Variants in NAV1 observed in about 807,000 individuals in gnomAD.
NAV1 encodes the protein neuron navigator 1, also known as pore membrane and/or filament interacting like protein 3.
In NAV1, 18 loss-of-function variants were observed where a neutral mutation model predicts 175.2. The observed-to-expected ratio is 0.10, with a 90% CI of 0.07 to 0.15. The LOEUF is 0.15. NAV1 is among the 10% of genes least tolerant of loss of function. The pLI, the probability that NAV1 is intolerant of heterozygous loss-of-function variation, is 1.00. For synonymous variants in NAV1, 897 were observed against 978.7 expected, an observed-to-expected ratio of 0.92 and a Z score of 1.56; for missense variants, 1,731 against 2,436.6, an observed-to-expected ratio of 0.71 and a Z score of 6.10.
intron 3 of NAV1, among the ~76,000 whole-genome samples, chr1:201,732,153 A>T (rs1025118401): frequency 1.3e-5 from 2 of 151,362 alleles, no homozygotes; most frequent in Non-Finnish European, 2.9e-5. Flanking sequence ...TCTGTCACCC[A>T]GGCTGGGGTG....
chr1:201,623,617 G>A lies in NAV1; in HGVS notation c.-101+11G>A, dbSNP rs1668239780. On this transcript the variant is annotated intron_variant, in intron 1 of 29. Transcript: ENST00000367302. ...CCCCTTCCAGTACAGGTGAGCTGGGGAGCAGGCAGGGAGGGAAGGGGGAAG... is the reference window on the plus strand; with the variant it reads ...CCCCTTCCAGTACAGGTGAGCTGGGAAGCAGGCAGGGAGGGAAGGGGGAAG... The A allele has an allele frequency of 3.0e-6, 3 of 986,384 alleles. No individual in the cohort carries two copies. The South Asian group carries it at 1.4e-4, about 46-fold the overall frequency. 61.1% of individuals were successfully genotyped at this position (986,384 alleles called of 1,614,324 possible).
At chr1:201,633,238 GTAATAATGA>G (rs1668527877) in intron 2 of NAV1, among the ~76,000 whole-genome samples, 2 of 152,162 alleles carry the variant, frequency 1.3e-5, no homozygotes, top group Non-Finnish European at 2.9e-5. Flanking sequence ...GAACTAAATG[GTAATAATGA>G]CTATCACTTA....
At chr1:201,622,099 C>G (rs1200683311), upstream of NAV1, among the ~76,000 whole-genome samples, 1 of 151,624 alleles carries the variant, frequency 6.6e-6, no homozygotes, top group Non-Finnish European at 1.5e-5. Flanking sequence ...GACACTCAGT[C>G]TCTTTTAGAC....
intron 1 of NAV1, among the ~76,000 whole-genome samples, chr1:201,692,143 G>T (rs572620132): frequency 6.6e-6 from 1 of 152,268 alleles, no homozygotes; most frequent in Admixed American, 6.5e-5. Context: ...TGTGTTATGT[G>T]CCCTGGAGAT....
chr1:201,671,132 G>A (rs1334685223), intron 1 of NAV1, among the ~76,000 whole-genome samples: 1 of 152,162 alleles, frequency 6.6e-6, no homozygotes, highest in Non-Finnish European at 1.5e-5. Context: ...ACTTCTTGAG[G>A]CAAACGGTAT....
chr1:201,621,759 TGTG>T (rs1372949901), upstream of NAV1, among the ~76,000 whole-genome samples: 4 of 152,390 alleles, frequency 2.6e-5, no homozygotes, highest in African/African-American at 7.2e-5. Flanking sequence ...CTGCCTTTGA[TGTG>T]GTACTTAGAA....
At chr1:201,703,937 A>G (rs1006076958) in intron 1 of NAV1, among the ~76,000 whole-genome samples, 3 of 152,200 alleles carry the variant, frequency 2.0e-5, no homozygotes, top group Non-Finnish European at 4.4e-5. Flanking sequence ...GAGGCCTCAG[A>G]GCACAGATCT....
chr1:201,551,523 C>A (rs979973582), intron 1 of NAV1, among the ~76,000 whole-genome samples: 1 of 152,202 alleles, frequency 6.6e-6, no homozygotes, highest in African/African-American at 2.4e-5. Flanking sequence ...GCCACCTCGC[C>A]CAGCGCCACA....
chr1:201,620,767 C>T (rs1668140722), upstream of NAV1, among the ~76,000 whole-genome samples: 1 of 151,932 alleles, frequency 6.6e-6, no homozygotes. Flanking sequence ...CCGCACCCAG[C>T]CTCATGGCCA....
At chr1:201,676,745 A>C (rs1412691140) in intron 1 of NAV1, among the ~76,000 whole-genome samples, 1 of 152,148 alleles carries the variant, frequency 6.6e-6, no homozygotes, top group African/African-American at 2.4e-5. Flanking sequence ...ACATTTTTAT[A>C]CCAAAATAAT....
intron 1 of NAV1, among the ~76,000 whole-genome samples, chr1:201,573,758 C>A (rs551198171): frequency 1.3e-5 from 2 of 152,194 alleles, no homozygotes; most frequent in African/African-American, 2.4e-5. Context: ...GGTCATGGAC[C>A]CTTTTTGGGA....
At chr1:201,732,798 T>TG (rs1672919821) in intron 3 of NAV1, among the ~76,000 whole-genome samples, 1 of 152,110 alleles carries the variant, frequency 6.6e-6, no homozygotes, top group Admixed American at 6.6e-5. Context: ...TGGCCAGGTG[T>TG]GGTGGGTCAC....
intron 2 of NAV1, among the ~76,000 whole-genome samples, chr1:201,630,049 G>A (rs1668442402): frequency 1.3e-5 from 2 of 152,206 alleles, no homozygotes; most frequent in Non-Finnish European, 2.9e-5. Context: ...TATTCAATAA[G>A]GGCAGAGACC....
rs376774113 is a variant in NAV1, at chr1:201,695,700, G to A, written c.758-17117G>A. Among the ~76,000 whole-genome samples the A allele has an allele frequency of 1.1e-3, 173 of 152,334 alleles. 3 individuals are homozygous for A. In the South Asian group the frequency reaches 0.034, roughly 30 times the overall value. ...CAGGCCCTGGAGGGCTTGGGCAAGGGCTGAGAGAAGGCCTGGCTGCCTCCC... is the reference window on the plus strand; with the variant it reads ...CAGGCCCTGGAGGGCTTGGGCAAGGACTGAGAGAAGGCCTGGCTGCCTCCC... On this transcript the variant is annotated intron_variant, in intron 1 of 29. Coordinates refer to ENST00000367296, the Ensembl canonical transcript of NAV1.
chr1:201,741,888 T>A (rs1673445352), intron 3 of NAV1, among the ~76,000 whole-genome samples: 1 of 152,316 alleles, frequency 6.6e-6, no homozygotes, highest in Admixed American at 6.5e-5. Flanking sequence ...AATACTCACC[T>A]AGCTCATTAC....
intron 3 of NAV1, among the ~76,000 whole-genome samples, chr1:201,741,472 G>A (rs562920840): frequency 4.0e-5 from 6 of 151,466 alleles, no homozygotes; most frequent in Non-Finnish European, 7.4e-5. Flanking sequence ...CCTGGGCTGA[G>A]TCCTGGACAG....
chr1:201,766,862 C>T (rs886553200), intron 3 of NAV1, among the ~76,000 whole-genome samples: 4 of 151,970 alleles, frequency 2.6e-5, no homozygotes, highest in African/African-American at 7.3e-5. Context: ...CTTGCTATGT[C>T]GCCAGGCTGC....
intron 17 of NAV1, among the ~76,000 whole-genome samples, chr1:201,806,926 T>C (rs983216231): frequency 6.6e-6 from 1 of 152,174 alleles, no homozygotes; most frequent in Non-Finnish European, 1.5e-5. Flanking sequence ...CCTCAAATTT[T>C]TCCTTCTTTT....
chr1:201,722,425 G>C lies in NAV1; in HGVS notation c.1226+3670G>C, dbSNP rs530114684. On this transcript the variant is annotated intron_variant, in intron 3 of 29. Coordinates refer to ENST00000367296, the Ensembl canonical transcript of NAV1. Reference sequence around the variant, plus strand: ...AATGTCATCAGGGAGCATTTATGTTGTAGCGTTAGAATTTCATTCTTTTTT... The same window carrying C: ...AATGTCATCAGGGAGCATTTATGTTCTAGCGTTAGAATTTCATTCTTTTTT... 2.6e-5 allele frequency among the ~76,000 whole-genome samples: 4 copies of C among 152,306 alleles called. No homozygotes were observed. The East Asian group carries it at 7.7e-4, about 29-fold the overall frequency.
Sources: gnomAD v4.1 joint callset for allele counts (sites outside exome capture counted in the v4.1 genomes callset) on GRCh38, gnomAD v4.1.1 for gene constraint, MANE v1.5 for transcripts, NCBI Gene and HGNC (gene_info 2026-07-23, HGNC 2026-07-21) for gene names.